The following ZNF679 variants were observed in gnomAD, a reference collection of about 807,000 sequenced individuals.
ZNF679 encodes hypothetical protein MGC42415.
In ZNF679, 10 loss-of-function variants were observed where a neutral mutation model predicts 13.4. That is an observed-to-expected ratio of 0.75 (90% CI 0.46 to 1.27). The LOEUF is 1.27. ZNF679 is among the 50% of genes most tolerant of loss of function. The pLI is 0.00. For missense variants in ZNF679, 525 were observed against 477.8 expected, an observed-to-expected ratio of 1.10 and a Z score of -0.92; for synonymous variants, 179 against 162.5, an observed-to-expected ratio of 1.10 and a Z score of -0.77.
At chr7:64,239,697 T>A (rs1417027983) in intron 1 of ZNF679, among the ~76,000 whole-genome samples, 1 of 152,212 alleles carries the variant, frequency 6.6e-6, no homozygotes, top group Non-Finnish European at 1.5e-5. Context: ...TAGCACTTAA[T>A]GACATGACTG....
intron 1 of ZNF679, among the ~76,000 whole-genome samples, chr7:64,244,917 C>G (rs759703779): frequency 3.3e-5 from 5 of 152,166 alleles, no homozygotes; most frequent in Non-Finnish European, 7.3e-5. Flanking sequence ...ATGGTAGAAA[C>G]CAAGAGAAAA....
intron 2 of ZNF679, among the ~76,000 whole-genome samples, chr7:64,254,997 C>CT (rs1229220619): frequency 6.4e-5 from 2 of 31,324 alleles, no homozygotes; most frequent in African/African-American, 1.1e-4. Flanking sequence ...GAGACTCCAT[C>CT]TCAAAAAAAA....
chr7:64,262,281 G>A (rs539466750), intron 4 of ZNF679, among the ~76,000 whole-genome samples: 149 of 152,246 alleles, frequency 9.8e-4, no homozygotes, highest in South Asian at 8.1e-3. Context: ...TTCTTGGGTG[G>A]CACTGTCACA....
intron 1 of ZNF679, among the ~76,000 whole-genome samples, chr7:64,231,242 G>A (rs1398403411): frequency 2.6e-5 from 4 of 152,228 alleles, no homozygotes; most frequent in Non-Finnish European, 5.9e-5. Flanking sequence ...AGGTAAGAGA[G>A]TCATCATTAT....
At position 64,266,019 on chromosome 7, in the gene ZNF679, A is replaced by C; in HGVS notation, c.386A>C (p.Lys129Thr). The C allele has an allele frequency of 6.2e-7, 1 of 1,613,700 alleles. No individual in the cohort carries two copies. Among genetic ancestry groups the C allele is most frequent in the South Asian group, 1.1e-5 (1 of 91,076 alleles). Residue 129 changes from lysine to threonine, a missense_variant, in exon 5 of 5, where the codon AAA becomes ACA. Physicochemically the swap from Lys to Thr is moderately conservative, Grantham distance 78. Coordinates refer to ENST00000421025, the MANE Select transcript of ZNF679 (RefSeq NM_153363.3). ...GHDNLQVKTC[K>T]SMGECEVQKG... is the part of the protein sequence containing the mutation. ...GACAATTTACAAGTAAAAACATGTA[A>C]AAGCATGGGTGAGTGTGAGGTGCAA...
intron 1 of ZNF679, among the ~76,000 whole-genome samples, chr7:64,240,948 T>C (rs540969714): frequency 1.2e-4 from 18 of 152,262 alleles, no homozygotes; most frequent in Non-Finnish European, 2.6e-4. Flanking sequence ...ATCCAGGACT[T>C]GGTGTTATCA....
chr7:64,263,661 C>A (rs1788106939), intron 4 of ZNF679, among the ~76,000 whole-genome samples: 1 of 152,128 alleles, frequency 6.6e-6, no homozygotes, highest in Non-Finnish European at 1.5e-5. Flanking sequence ...CTTAAAGGAA[C>A]ATGGCTATTC....
chr7:64,245,409 G>A (rs1189769591), intron 1 of ZNF679, among the ~76,000 whole-genome samples: 2 of 107,926 alleles, frequency 1.9e-5, no homozygotes, highest in Non-Finnish European at 3.8e-5. Context: ...AGATAGGAAA[G>A]GGAGAGAGAG....
chr7:64,231,527 G>A (rs1045141135), intron 1 of ZNF679, among the ~76,000 whole-genome samples: 4 of 152,176 alleles, frequency 2.6e-5, no homozygotes, highest in African/African-American at 9.7e-5. Flanking sequence ...GCTTAGGCCA[G>A]GGAGCAGAGT....
At chr7:64,263,563 T>C (rs1266667354) in intron 4 of ZNF679, among the ~76,000 whole-genome samples, 1 of 152,166 alleles carries the variant, frequency 6.6e-6, no homozygotes, top group African/African-American at 2.4e-5. Flanking sequence ...GTTTGCATCG[T>C]GGAGACAAAT....
intron 1 of ZNF679, among the ~76,000 whole-genome samples, chr7:64,245,410 GGAGAGAGAGAAAGAGAGA>G (rs1260296013): frequency 2.0e-5 from 2 of 98,748 alleles, no homozygotes; most frequent in African/African-American, 8.7e-5. Flanking sequence ...GATAGGAAAG[GGAGAGAGAGAAAGAGAGA>G]GAGAGAGAGA....
chr7:64,231,486 G>A (rs2116504279), intron 1 of ZNF679, among the ~76,000 whole-genome samples: 1 of 152,250 alleles, frequency 6.6e-6, no homozygotes, highest in Middle Eastern at 3.4e-3. Flanking sequence ...GCTAGGCAAA[G>A]CATTATGTCT....
At chr7:64,264,933 G>T (rs1788124290) in intron 4 of ZNF679, among the ~76,000 whole-genome samples, 1 of 151,094 alleles carries the variant, frequency 6.6e-6, no homozygotes, top group African/African-American at 2.4e-5. Context: ...TTAATTCCAT[G>T]ATTGTTTTGT....
chr7:64,252,307 T>C (rs890465475), intron 2 of ZNF679, among the ~76,000 whole-genome samples: 3 of 152,244 alleles, frequency 2.0e-5, no homozygotes, highest in Non-Finnish European at 4.4e-5. Flanking sequence ...TTTCAACTTA[T>C]GTTAGTTAAC....
chr7:64,255,300 A>T (rs144344125), intron 2 of ZNF679, among the ~76,000 whole-genome samples: 1 of 152,270 alleles, frequency 6.6e-6, no homozygotes, highest in Non-Finnish European at 1.5e-5. Flanking sequence ...CTAGACATTG[A>T]TGCGTCCACA....
intron 1 of ZNF679, among the ~76,000 whole-genome samples, chr7:64,241,771 T>C (rs1464510203): frequency 1.3e-5 from 2 of 152,218 alleles, no homozygotes; most frequent in Non-Finnish European, 1.5e-5. Context: ...CAGAGATATT[T>C]TGTAATTTCT....
chr7:64,228,894 A>C (rs1584221080), intron 1 of ZNF679, among the ~76,000 whole-genome samples: 1 of 152,192 alleles, frequency 6.6e-6, no homozygotes, highest in Non-Finnish European at 1.5e-5. Flanking sequence ...AGCTGTGTCC[A>C]TATGGGAGAG....
At position 64,236,868 on chromosome 7, in the gene ZNF679, AAAG is replaced by A. The variant is rs759107902; in HGVS notation, c.-91+8222_-91+8224del. ...AAAGAAACAAAAGAAAGAAAAAAAGAAAGAAGAAAGAGAAAGAAAGAAAAAAAG... is the reference window on the plus strand; with the variant it reads ...AAAGAAACAAAAGAAAGAAAAAAAGAAAGAAAGAGAAAGAAAGAAAAAAAG... On this transcript the variant is annotated intron_variant, in intron 1 of 4. Transcript: ENST00000421025. Among the ~76,000 whole-genome samples, 51 of 146,446 alleles carry A rather than the reference AAAG, an allele frequency of 3.5e-4. 1 individual carries two copies. Among genetic ancestry groups the A allele is most frequent in the Non-Finnish European group, 3.9e-4 (26 of 66,066 alleles).
At chr7:64,231,809 G>C (rs889155324) in intron 1 of ZNF679, among the ~76,000 whole-genome samples, 1 of 152,126 alleles carries the variant, frequency 6.6e-6, no homozygotes, top group South Asian at 2.1e-4. Flanking sequence ...CTATTGGCTG[G>C]GCCCAGGCAA....
Sources: gnomAD v4.1 joint callset for allele counts (sites outside exome capture counted in the v4.1 genomes callset) on GRCh38, gnomAD v4.1.1 for gene constraint, MANE v1.5 for transcripts, NCBI Gene and HGNC (gene_info 2026-07-23, HGNC 2026-07-21) for gene names.